The following LRRK2 variants were observed in gnomAD, a reference collection of about 807,000 sequenced individuals.
LRRK2 encodes the protein leucine rich repeat kinase 2, also known as leucine-rich repeat serine/threonine-protein kinase 2.
A neutral mutation model predicts 302.6 loss-of-function variants in LRRK2; 203 were observed. The observed-to-expected ratio is 0.67, with a 90% CI of 0.60 to 0.75. LRRK2 has a LOEUF of 0.75. Among genes scored for constraint, LRRK2 ranks in the 30% least tolerant of loss-of-function variants. The pLI, the probability that LRRK2 is intolerant of heterozygous loss-of-function variation, is 0.00. For synonymous variants in LRRK2, 1,066 were observed against 1,031.9 expected, an observed-to-expected ratio of 1.03 and a Z score of -0.63; for missense variants, 2,830 against 2,951.0, an observed-to-expected ratio of 0.96 and a Z score of 0.95.
intron 38 of LRRK2, among the ~76,000 whole-genome samples, chr12:40,325,698 A>C (rs7298930): frequency 0.57 from 86,192 of 152,066 alleles, 24,576 homozygotes; most frequent in South Asian, 0.7. Flanking sequence ...TTTATATTAG[A>C]GTAATCTGGA....
rs7307276 is a variant in LRRK2, at chr12:40,321,211, T to A, written c.5170+23T>A. The A allele has an allele frequency of 0.56, 890,937 of 1,597,726 alleles. 250,614 individuals carry two copies. Among genetic ancestry groups the A allele is most frequent in the South Asian group, 0.69 (62,287 of 90,450 alleles). ...GAGGTAAGTATCTAATGAAGACTTA[T>A]TAGATTTTTAGAGACTATTAATTTA... On this transcript the variant is annotated intron_variant, in intron 35 of 50. Transcript: ENST00000298910.
At chr12:40,264,206 AC>A (rs1290251352) in intron 14 of LRRK2, among the ~76,000 whole-genome samples, 1 of 152,180 alleles carries the variant, frequency 6.6e-6, no homozygotes, top group Non-Finnish European at 1.5e-5. Context: ...ATGCAGCTAG[AC>A]CTTGTGAGTC....
chr12:40,257,065 G>A (rs1942549320), intron 11 of LRRK2, among the ~76,000 whole-genome samples, 183 bp from the exon 12 acceptor site: 1 of 152,102 alleles, frequency 6.6e-6, no homozygotes, highest in South Asian at 2.1e-4. Context: ...AAAAAAATTG[G>A]AAATGACATG....
chr12:40,235,960 C>A (rs1307320821), intron 4 of LRRK2, among the ~76,000 whole-genome samples: 1 of 151,886 alleles, frequency 6.6e-6, no homozygotes, highest in Non-Finnish European at 1.5e-5. Context: ...TCTCTTTTCT[C>A]TATACTTTGC....
At chr12:40,361,653 ATGCTT>A (rs1946712149) in intron 47 of LRRK2, among the ~76,000 whole-genome samples, 1 of 152,116 alleles carries the variant, frequency 6.6e-6, no homozygotes, top group Non-Finnish European at 1.5e-5. Context: ...TGGAGCATAG[ATGCTT>A]TACTAGAGAG....
chr12:40,353,980 G>C (rs1946452653), intron 44 of LRRK2, among the ~76,000 whole-genome samples: 1 of 152,198 alleles, frequency 6.6e-6, no homozygotes. Context: ...GGTGGAAAGA[G>C]AGGGAGAGGG....
intron 38 of LRRK2, among the ~76,000 whole-genome samples, chr12:40,326,976 TA>T (rs1283071792): frequency 4.6e-5 from 7 of 152,200 alleles, no homozygotes; most frequent in Non-Finnish European, 1.0e-4. Flanking sequence ...TATAGACATA[TA>T]AAAAATAAAT....
intron 13 of LRRK2, among the ~76,000 whole-genome samples, chr12:40,260,761 G>A (rs1942735697): frequency 6.6e-6 from 1 of 152,102 alleles, no homozygotes; most frequent in South Asian, 2.1e-4. Context: ...GAGACCCAGT[G>A]AAGGGACCCA....
In LRRK2 at chr12:40,299,249, A is replaced by G. The variant is rs1313029666; in HGVS notation, c.3488A>G (p.Asn1163Ser). 2 of 1,612,982 alleles carry G rather than the reference A, an allele frequency of 1.2e-6. No individual in the cohort carries two copies. The highest frequency in any genetic ancestry group is 1.3e-5 in the African/African-American group (1 of 74,784). ...GTGGAGAGTTTCAGTGCCAGAATGAATTTTCTTGGTAAGTGTTCTGTGTGG... is the reference window on the plus strand; with the variant it reads ...GTGGAGAGTTTCAGTGCCAGAATGAGTTTTCTTGGTAAGTGTTCTGTGTGG... The part of the protein sequence containing the change: ...PKVESFSARM[N>S]FLAAMPFLPP... Residue 1163 changes from asparagine to serine, a missense_variant, in exon 25 of 51, where the codon AAT becomes AGT. By Grantham distance (46) the Asn-to-Ser change is conservative (BLOSUM62 1). Transcript: ENST00000298910.
chr12:40,330,501 G>A (rs1945682182), intron 39 of LRRK2, among the ~76,000 whole-genome samples: 1 of 152,098 alleles, frequency 6.6e-6, no homozygotes. Context: ...TTACAAGTAT[G>A]TGTTTGTGTG....
At chr12:40,264,958 G>C (rs753565336) in intron 14 of LRRK2, among the ~76,000 whole-genome samples, 3 of 152,128 alleles carry the variant, frequency 2.0e-5, no homozygotes, top group Non-Finnish European at 4.4e-5. Flanking sequence ...TTTATAAAAG[G>C]AGGAGCCTAT....
At chr12:40,237,947 C>G in intron 4 of LRRK2, 22 bp from the exon 5 acceptor site, 2 of 1,601,998 alleles carry the variant, frequency 1.2e-6, no homozygotes, top group Non-Finnish European at 1.7e-6. Flanking sequence ...TTACTCAGAG[C>G]ATATTATTCT....
rs749690398 is a variant in LRRK2 at position 40,344,111 on chromosome 12, CCTT to C, written c.6110-2637_6110-2635del. 3.0e-4 allele frequency among the ~76,000 whole-genome samples: 45 copies of C among 152,188 alleles called. No homozygotes were observed. In the East Asian group the frequency reaches 8.1e-3, roughly 28 times the overall value. ...GACTCATTGTGAAAAAAAATCCCAA[CCTT>C]CTTCACAGCTCTACCATCTTCGGAT... is the stretch of plus-strand genomic sequence containing the variant. On this transcript the variant is annotated intron_variant, in intron 41 of 50. Coordinates refer to ENST00000298910, the MANE Select transcript of LRRK2 (RefSeq NM_198578.4).
In LRRK2 at chr12:40,303,859, T is replaced by A. The variant is rs72546323; in HGVS notation, c.3591-89T>A. On this transcript the variant is annotated intron_variant, in intron 26 of 50. Coordinates refer to ENST00000298910, the MANE Select transcript of LRRK2 (RefSeq NM_198578.4). ...TGCTAGTTTTGACGTTACACTTTAT[T>A]CTCACCCTGGGGAAAATTATTTGTG... The A allele has an allele frequency of 7.5e-3, 9,661 of 1,293,136 alleles. 491 individuals are homozygous for A. In the African/African-American group the frequency reaches 0.11, roughly 15 times the overall value. 80.1% of individuals were successfully genotyped at this position (1,293,136 alleles called of 1,614,324 possible).
intron 7 of LRRK2, 126 bp from the exon 8 acceptor site, chr12:40,249,700 G>C (rs1306904253): frequency 9.2e-7 from 1 of 1,081,690 alleles, no homozygotes; most frequent in Non-Finnish European, 1.4e-6. Flanking sequence ...TTTAATTAAA[G>C]TAAATGTTTT....
chr12:40,358,603 G>A (rs1032665913), intron 46 of LRRK2, among the ~76,000 whole-genome samples: 2 of 152,120 alleles, frequency 1.3e-5, no homozygotes, highest in African/African-American at 4.8e-5. Context: ...TGCCAATACT[G>A]TGCTGTTTTG....
At chr12:40,314,885 T>C (rs558820507) in intron 32 of LRRK2, among the ~76,000 whole-genome samples, 48 of 152,196 alleles carry the variant, frequency 3.2e-4, no homozygotes, top group African/African-American at 9.6e-4. Context: ...TATCTGTATT[T>C]GAAAATAAAA....
chr12:40,237,321 A>T (rs1002199747), intron 4 of LRRK2, among the ~76,000 whole-genome samples: 6 of 152,220 alleles, frequency 3.9e-5, no homozygotes, highest in African/African-American at 1.4e-4. Context: ...TAATGCAGGC[A>T]ATAAACCAGT....
chr12:40,351,680 G>A lies in LRRK2; in HGVS notation c.6523G>A (p.Asp2175Asn), dbSNP rs72547981. Residue 2175 changes from aspartate (D) to asparagine (N), a missense_variant, in exon 44 of 51, where the codon GAC becomes AAC. By Grantham distance (23) the Asp-to-Asn change is conservative. Transcript: ENST00000298910. Reference protein sequence around the residue: ...ASIWLGCGHTDRGQLSFLDLN... With the variant: ...ASIWLGCGHTNRGQLSFLDLN... Reference sequence around the variant, plus strand: ...CATTTGGCTGGGCTGTGGGCACACCGACAGAGGACAGCTCTCATTTCTTGA... The same window carrying A: ...CATTTGGCTGGGCTGTGGGCACACCAACAGAGGACAGCTCTCATTTCTTGA... 9.9e-6 allele frequency: 16 copies of A among 1,614,040 alleles called. No homozygotes were observed. Among genetic ancestry groups the A allele is most frequent in the Middle Eastern group, 1.6e-4 (1 of 6,084 alleles).
Sources: allele counts gnomAD v4.1 joint callset (sites outside exome capture counted in the v4.1 genomes callset), GRCh38; gene constraint gnomAD v4.1.1; transcripts MANE v1.5; gene names NCBI Gene and HGNC (gene_info 2026-07-23, HGNC 2026-07-21).